The following ATG5 variants were observed in gnomAD, a reference collection of about 807,000 sequenced individuals.
ATG5 encodes the protein autophagy protein 5.
In ATG5, 14 loss-of-function variants were observed where a neutral mutation model predicts 36.5. The ratio of observed to expected loss-of-function variants is 0.38; its 90% CI spans 0.25 to 0.60. ATG5 has a LOEUF of 0.60. ATG5 is among the 20% of genes least tolerant of loss of function. ATG5 has a pLI of 0.60. For missense variants in ATG5, 195 were observed against 326.7 expected, an observed-to-expected ratio of 0.60 and a Z score of 3.11; for synonymous variants, 95 against 101.5, an observed-to-expected ratio of 0.94 and a Z score of 0.38.
intron 5 of ATG5, among the ~76,000 whole-genome samples, chr6:106,257,501 G>A (rs1418811194): frequency 1.3e-5 from 2 of 152,050 alleles, no homozygotes; most frequent in African/African-American, 4.8e-5. Context: ...TAATCTTAAG[G>A]GACCACTATC....
At chr6:106,215,554 A>G in intron 6 of ATG5, among the ~76,000 whole-genome samples, 1 of 152,294 alleles carries the variant, frequency 6.6e-6, no homozygotes, top group East Asian at 1.9e-4. Flanking sequence ...TATTTTACAG[A>G]TTTCACCACT....
At chr6:106,315,211 A>T (rs1046318840) in intron 2 of ATG5, among the ~76,000 whole-genome samples, 6 of 152,238 alleles carry the variant, frequency 3.9e-5, no homozygotes, top group Admixed American at 6.5e-5. Context: ...ATGAGGGGGA[A>T]AGCAAAGGGC....
At chr6:106,279,315 T>C (rs1199117563) in intron 5 of ATG5, among the ~76,000 whole-genome samples, 1 of 152,170 alleles carries the variant, frequency 6.6e-6, no homozygotes, top group Non-Finnish European at 1.5e-5. Context: ...TCTTTGTACA[T>C]ACCCAGAATT....
At chr6:106,230,134 G>C (rs923991262) in intron 6 of ATG5, among the ~76,000 whole-genome samples, 14 of 152,204 alleles carry the variant, frequency 9.2e-5, no homozygotes, top group African/African-American at 3.4e-4. Flanking sequence ...TTCAGTAATT[G>C]ATAGGGAGAC....
At chr6:106,267,846 G>A (rs947004609) in intron 5 of ATG5, among the ~76,000 whole-genome samples, 1 of 152,118 alleles carries the variant, frequency 6.6e-6, no homozygotes, top group African/African-American at 2.4e-5. Context: ...ACTCAAGGTG[G>A]ATAAAAAGAC....
intron 6 of ATG5, among the ~76,000 whole-genome samples, chr6:106,229,422 G>GAGAGAGAC: frequency 6.6e-6 from 1 of 152,060 alleles, no homozygotes; most frequent in Non-Finnish European, 1.5e-5. Context: ...GACAGAGAGA[G>GAGAGAGAC]AGAGAGACAG....
intron 3 of ATG5, among the ~76,000 whole-genome samples, chr6:106,307,644 C>T (rs1770499573): frequency 6.9e-6 from 1 of 145,694 alleles, no homozygotes; most frequent in Admixed American, 7.1e-5. Flanking sequence ...TCAAGCATTT[C>T]TCCTGCCTCA....
intron 7 of ATG5, among the ~76,000 whole-genome samples, chr6:106,200,619 C>T (rs1276064616): frequency 2.0e-5 from 3 of 151,990 alleles, no homozygotes; most frequent in East Asian, 1.9e-4. Flanking sequence ...GAACTACAGG[C>T]GCCCCGCCAC....
chr6:106,246,725 T>C (rs117077419), intron 6 of ATG5, among the ~76,000 whole-genome samples: 3,683 of 152,320 alleles, frequency 0.024, 95 homozygotes, highest in Non-Finnish European at 0.035. Context: ...CCGGACTCTT[T>C]GTGAAATGTC....
At chr6:106,224,885 AAAAC>A (rs1049936044) in intron 6 of ATG5, among the ~76,000 whole-genome samples, 65 of 152,340 alleles carry the variant, frequency 4.3e-4, no homozygotes, top group African/African-American at 1.5e-3. Flanking sequence ...CTTGTCTCAA[AAAAC>A]AAACAAACAA....
intron 6 of ATG5, among the ~76,000 whole-genome samples, chr6:106,244,992 A>G (rs564263468): frequency 1.3e-5 from 2 of 152,232 alleles, no homozygotes; most frequent in Non-Finnish European, 2.9e-5. Context: ...CCACCTGTTT[A>G]CAAGTGCTAA....
intron 5 of ATG5, among the ~76,000 whole-genome samples, chr6:106,261,413 G>T (rs1477251973): frequency 6.6e-6 from 1 of 152,194 alleles, no homozygotes; most frequent in Non-Finnish European, 1.5e-5. Flanking sequence ...AGTTACACAT[G>T]CAGCCAAATA....
intron 5 of ATG5, among the ~76,000 whole-genome samples, chr6:106,274,637 T>A (rs1371729991): frequency 1.3e-5 from 2 of 152,178 alleles, no homozygotes; most frequent in Admixed American, 6.5e-5. Flanking sequence ...AAACTCTACA[T>A]AAAATCCAAT....
chr6:106,222,633 G>A (rs1167586869), intron 6 of ATG5, among the ~76,000 whole-genome samples: 2 of 152,174 alleles, frequency 1.3e-5, no homozygotes, highest in East Asian at 3.9e-4. Context: ...TGACAGAAGA[G>A]GCATAAAAAA....
rs761072171 is a variant in ATG5 at position 106,185,395 on chromosome 6, T to A, written c.*1145A>T. On this transcript the variant is annotated 3_prime_UTR_variant, in exon 8 of 8. Transcript: ENST00000369076. ...CAAGAAATGAAATGTAATGCACAAA[T>A]ATGTTTGACTGGTAAAATCCCAGAG... 3 of 152,694 alleles carry A rather than the reference T, an allele frequency of 2.0e-5. No homozygotes were observed. Among genetic ancestry groups the A allele is most frequent in the Non-Finnish European group, 2.9e-5 (2 of 68,022 alleles). 9.5% of individuals were successfully genotyped at this position (152,694 alleles called of 1,614,324 possible).
intron 5 of ATG5, among the ~76,000 whole-genome samples, chr6:106,254,220 C>G (rs1431676200): frequency 6.6e-6 from 1 of 152,162 alleles, no homozygotes; most frequent in Non-Finnish European, 1.5e-5. Context: ...AGATTTCTTT[C>G]ATAATCCTAG....
chr6:106,213,461 A>G (rs1776930234), intron 6 of ATG5, among the ~76,000 whole-genome samples: 1 of 152,236 alleles, frequency 6.6e-6, no homozygotes. Context: ...ACAACAGTAG[A>G]GAATTTCAAA....
At chr6:106,211,511 C>T (rs1776850479) in intron 6 of ATG5, among the ~76,000 whole-genome samples, 1 of 152,112 alleles carries the variant, frequency 6.6e-6, no homozygotes, top group African/African-American at 2.4e-5. Flanking sequence ...GAGTTCGAGG[C>T]CAGCCTGGCC....
chr6:106,265,168 C>CAAA (rs748718301), intron 5 of ATG5, among the ~76,000 whole-genome samples: 8 of 56,722 alleles, frequency 1.4e-4, no homozygotes, highest in African/African-American at 2.7e-4. Flanking sequence ...AAATGGAAAG[C>CAAA]AAAAAAAAAA....
Sources: allele counts gnomAD v4.1 joint callset (sites outside exome capture counted in the v4.1 genomes callset), GRCh38; gene constraint gnomAD v4.1.1; transcripts MANE v1.5; gene names NCBI Gene and HGNC (gene_info 2026-07-23, HGNC 2026-07-21).